NAALADL2: variants seen among roughly 807,000 people sequenced by gnomAD.
The protein encoded by NAALADL2 is N-acetylated alpha-linked acidic dipeptidase like 2.
Under a neutral mutation model 87.2 loss-of-function variants are expected in NAALADL2, and 76 were observed. That is an observed-to-expected ratio of 0.87 (90% CI 0.72 to 1.05). NAALADL2 has a LOEUF of 1.05. Among genes scored for constraint, NAALADL2 ranks in the 50% least tolerant of loss-of-function variants. NAALADL2 has a pLI of 0.00. For synonymous variants in NAALADL2, 354 were observed against 331.0 expected (o/e 1.07, Z -0.75); for missense variants, 1,089 against 945.8 (o/e 1.15, Z -1.99).
intron 13 of NAALADL2, among the ~76,000 whole-genome samples, chr3:175,802,715 ATTTTCT>A (rs983395348): frequency 4.2e-4 from 62 of 147,398 alleles, no homozygotes; most frequent in African/African-American, 1.6e-3. Flanking sequence ...TTCAGATACA[ATTTTCT>A]TTTTCTATCA....
At chr3:175,714,128 T>C (rs1288569420) in intron 11 of NAALADL2, among the ~76,000 whole-genome samples, 3 of 152,100 alleles carry the variant, frequency 2.0e-5, no homozygotes, top group Non-Finnish European at 2.9e-5. Context: ...TCCAGTGTAT[T>C]ATTGATGGGC....
intron 10 of NAALADL2, among the ~76,000 whole-genome samples, chr3:175,580,602 A>T (rs1246393151): frequency 1.3e-5 from 2 of 152,176 alleles, no homozygotes; most frequent in Non-Finnish European, 2.9e-5. Flanking sequence ...ATCTGATGAA[A>T]TCTGTTTCAT....
intron 13 of NAALADL2, among the ~76,000 whole-genome samples, chr3:175,766,570 TAATG>T (rs1748709382): frequency 6.6e-6 from 1 of 152,132 alleles, no homozygotes; most frequent in Non-Finnish European, 1.5e-5. Context: ...GGAAGAAAAA[TAATG>T]AAATCTAGGT....
At chr3:175,116,125 C>T (rs947836802) in intron 2 of NAALADL2, among the ~76,000 whole-genome samples, 1 of 152,004 alleles carries the variant, frequency 6.6e-6, no homozygotes, top group African/African-American at 2.4e-5. Flanking sequence ...CAGCCAATAT[C>T]ATACTGAATG....
intron 3 of NAALADL2, among the ~76,000 whole-genome samples, chr3:174,759,617 A>G (rs1379233964): frequency 6.6e-6 from 1 of 152,196 alleles, no homozygotes; most frequent in Non-Finnish European, 1.5e-5. Flanking sequence ...CAATGAATAG[A>G]TCTGTTAGTA....
chr3:174,540,011 G>A (rs997840344), intron 1 of NAALADL2, among the ~76,000 whole-genome samples: 8 of 136,652 alleles, frequency 5.9e-5, no homozygotes, highest in Admixed American at 3.0e-4. Flanking sequence ...AAAAAAAGCT[G>A]CCTGATGTTT....
chr3:174,745,847 A>G (rs1283333895), intron 3 of NAALADL2, among the ~76,000 whole-genome samples: 1 of 151,534 alleles, frequency 6.6e-6, no homozygotes, highest in East Asian at 1.9e-4. Context: ...AAACCACATA[A>G]TTATCTCAAA....
chr3:175,792,076 T>C (rs1297770123), intron 13 of NAALADL2, among the ~76,000 whole-genome samples: 4 of 152,224 alleles, frequency 2.6e-5, no homozygotes, highest in Non-Finnish European at 5.9e-5. Context: ...TAAAAAATTG[T>C]GTAATATGTT....
chr3:175,554,540 T>G (rs1714949338), intron 9 of NAALADL2, among the ~76,000 whole-genome samples: 1 of 152,138 alleles, frequency 6.6e-6, no homozygotes, highest in Non-Finnish European at 1.5e-5. Context: ...ATATAGTCAG[T>G]ATCTTTATGT....
At chr3:175,266,489 T>A (rs1751953012) in intron 4 of NAALADL2, among the ~76,000 whole-genome samples, 1 of 151,684 alleles carries the variant, frequency 6.6e-6, no homozygotes, top group Non-Finnish European at 1.5e-5. Flanking sequence ...TATTTATTCT[T>A]CAAGATTTAG....
chr3:175,324,573 G>A (rs2110439546), intron 5 of NAALADL2, among the ~76,000 whole-genome samples: 1 of 152,290 alleles, frequency 6.6e-6, no homozygotes, highest in South Asian at 2.1e-4. Flanking sequence ...AGACAGAAAT[G>A]TATTTTATGT....
chr3:174,677,430 A>T lies in NAALADL2; in HGVS notation c.-114-60211A>T, dbSNP rs114950761. Reference sequence around the variant, plus strand: ...TTGAGTTACTTTTTATTCTGTCAATAACATTTGGTATTTTTTCATTTTGTG... The same window carrying T: ...TTGAGTTACTTTTTATTCTGTCAATTACATTTGGTATTTTTTCATTTTGTG... On this transcript the variant is annotated intron_variant, in intron 2 of 3. Coordinates refer to the NAALADL2 transcript ENST00000434257. 3.0e-3 allele frequency among the ~76,000 whole-genome samples: 450 copies of T among 152,090 alleles called. 2 individuals carry two copies. The highest frequency in any genetic ancestry group is 0.01 in the African/African-American group (432 of 41,516).
chr3:174,915,644 AT>A (rs2108322891), intron 1 of NAALADL2, among the ~76,000 whole-genome samples: 1 of 152,302 alleles, frequency 6.6e-6, no homozygotes, highest in South Asian at 2.1e-4. Flanking sequence ...AGTTATTTAC[AT>A]TTAAAAATTG....
intron 9 of NAALADL2, among the ~76,000 whole-genome samples, chr3:175,568,535 T>C (rs986129481): frequency 1.3e-5 from 2 of 152,198 alleles, no homozygotes; most frequent in Non-Finnish European, 1.5e-5. Context: ...AAAAGGAGCA[T>C]TGCATTTGAA....
chr3:175,585,671 A>T (rs1453873318), intron 10 of NAALADL2, among the ~76,000 whole-genome samples: 1 of 152,190 alleles, frequency 6.6e-6, no homozygotes, highest in African/African-American at 2.4e-5. Context: ...AATTAAGGGC[A>T]TTATAGGAAA....
At chr3:174,573,353 G>C (rs1715149412) in intron 2 of NAALADL2, among the ~76,000 whole-genome samples, 1 of 152,062 alleles carries the variant, frequency 6.6e-6, no homozygotes, top group Non-Finnish European at 1.5e-5. Context: ...CTGCAGCCTT[G>C]ACATCCTGAG....
At chr3:175,061,231 AT>A (rs1713414558) in intron 1 of NAALADL2, among the ~76,000 whole-genome samples, 1 of 152,214 alleles carries the variant, frequency 6.6e-6, no homozygotes, top group African/African-American at 2.4e-5. Flanking sequence ...AAAAGCCTAA[AT>A]AAATTGGAAT....
intron 9 of NAALADL2, among the ~76,000 whole-genome samples, chr3:175,478,813 T>A (rs1726066800): frequency 6.6e-6 from 1 of 151,850 alleles, no homozygotes; most frequent in Non-Finnish European, 1.5e-5. Flanking sequence ...TGTAACAGTA[T>A]CATTAATGCA....
At chr3:174,507,151 C>T (rs1719251076) in intron 1 of NAALADL2, among the ~76,000 whole-genome samples, 1 of 151,932 alleles carries the variant, frequency 6.6e-6, no homozygotes. Flanking sequence ...ATGTTTAATT[C>T]TATAAGGAAT....
Sources: allele counts gnomAD v4.1 joint callset (sites outside exome capture counted in the v4.1 genomes callset), GRCh38; gene constraint gnomAD v4.1.1; transcripts MANE v1.5; gene names NCBI Gene and HGNC (gene_info 2026-07-23, HGNC 2026-07-21).